The following GSTT4 variants were observed in gnomAD, a reference collection of about 807,000 sequenced individuals.
The protein encoded by GSTT4 is glutathione S-transferase theta-4.
chr22:23,993,569 G>A (rs1275831139), downstream of GSTT4, among the ~76,000 whole-genome samples: 1 of 152,224 alleles, frequency 6.6e-6, no homozygotes, highest in African/African-American at 2.4e-5. Flanking sequence ...GGGCCACCTT[G>A]TTCCTCACAG....
At position 23,998,459 on chromosome 22, in the gene GSTT4, T is replaced by G. The variant is rs1353055472; in HGVS notation, c.*83A>C. 1 of 69,262 alleles carries G rather than the reference T, an allele frequency of 1.4e-5. No homozygotes were observed. The highest frequency in any genetic ancestry group is 3.4e-5 in the Non-Finnish European group (1 of 29,100). 4.3% of individuals were successfully genotyped at this position (69,262 alleles called of 1,614,324 possible). A position where few individuals can be genotyped will look rare whatever the true frequency, so the allele number is the denominator to read the frequency against. Reference sequence around the variant, plus strand: ...ACAGTTGTTTTTTTGTTTTTTTGTTTTTTTTTTTTTAACATTTCCTTTAAG... The same window carrying G: ...ACAGTTGTTTTTTTGTTTTTTTGTTGTTTTTTTTTTAACATTTCCTTTAAG... On this transcript the variant is annotated 3_prime_UTR_variant, in exon 5 of 5. Coordinates refer to ENST00000621179, the MANE Select transcript of GSTT4 (RefSeq NM_001358664.2).
chr22:23,996,453 AATGG>A (rs1304871469), downstream of GSTT4, among the ~76,000 whole-genome samples: 2 of 152,162 alleles, frequency 1.3e-5, no homozygotes, highest in African/African-American at 4.8e-5. Context: ...GATCTTTCAC[AATGG>A]ATGAAGTATG....
intron 2 of GSTT4, among the ~76,000 whole-genome samples, chr22:24,002,236 G>A (rs1409979800): frequency 6.6e-6 from 1 of 152,262 alleles, no homozygotes; most frequent in East Asian, 1.9e-4. Context: ...TCTCTCTGGT[G>A]CTGGATGGAG....
intron 2 of GSTT4, among the ~76,000 whole-genome samples, 169 bp from the exon 3 acceptor site, chr22:24,001,494 G>A (rs942613817): frequency 6.6e-6 from 1 of 152,274 alleles, no homozygotes; most frequent in Admixed American, 6.5e-5. Context: ...GTCAGTAAGG[G>A]CTGGGAAGGA....
chr22:23,999,245 G>A (rs538125221), intron 4 of GSTT4, among the ~76,000 whole-genome samples: 2 of 152,320 alleles, frequency 1.3e-5, no homozygotes, highest in East Asian at 1.9e-4. Flanking sequence ...CCCAAGAATG[G>A]GTGTGTGTGG....
chr22:24,004,479 A>C (rs962690226), intron 1 of GSTT4: 3 of 153,482 alleles, frequency 2.0e-5, no homozygotes, highest in Non-Finnish European at 4.3e-5. Context: ...GAGCTTTTGG[A>C]GTCCCTCTGT....
chr22:23,994,818 A>C (rs2034100096), downstream of GSTT4, among the ~76,000 whole-genome samples: 1 of 152,090 alleles, frequency 6.6e-6, no homozygotes, highest in Admixed American at 6.6e-5. Context: ...GGAGAAGACA[A>C]GATATAGGTC....
chr22:23,993,152 C>A, the GSTT4 span, among the ~76,000 whole-genome samples: 1 of 151,654 alleles, frequency 6.6e-6, no homozygotes, highest in Non-Finnish European at 1.5e-5. Context: ...AGAAAAAGCT[C>A]TTTTCTCCAT....
downstream of GSTT4, among the ~76,000 whole-genome samples, chr22:23,995,125 T>C (rs186074905): frequency 1.3e-5 from 2 of 152,074 alleles, no homozygotes; most frequent in Middle Eastern, 3.4e-3. Context: ...AAGACAAGTT[T>C]TTTTTTTGTT....
At chr22:23,997,706 T>C (rs1364108006), downstream of GSTT4, among the ~76,000 whole-genome samples, 3 of 152,210 alleles carry the variant, frequency 2.0e-5, no homozygotes, top group African/African-American at 7.2e-5. Context: ...TGTTTTCTAG[T>C]GGTGTTGGGT....
At chr22:23,992,397 ATAG>A in the GSTT4 span, among the ~76,000 whole-genome samples, 1 of 148,808 alleles carries the variant, frequency 6.7e-6, no homozygotes, top group African/African-American at 2.5e-5. Flanking sequence ...AGGATGTGGG[ATAG>A]TAGCTCTCAA....
At chr22:24,004,584 G>C (rs919028761) in intron 1 of GSTT4, 1 of 153,216 alleles carries the variant, frequency 6.5e-6, no homozygotes. Context: ...GGGTGTAGAC[G>C]GACTGTGCAC....
At chr22:23,993,218 T>A in the GSTT4 span, among the ~76,000 whole-genome samples, 8 of 152,212 alleles carry the variant, frequency 5.3e-5, no homozygotes, top group Non-Finnish European at 1.0e-4. Context: ...TCTTGTTGTT[T>A]CCTTTTTCTT....
At chr22:23,995,104 C>T (rs2034102760), downstream of GSTT4, among the ~76,000 whole-genome samples, 1 of 151,974 alleles carries the variant, frequency 6.6e-6, no homozygotes, top group African/African-American at 2.4e-5. Flanking sequence ...TTAAGGCTGG[C>T]GTAGTCCCTC....
downstream of GSTT4, among the ~76,000 whole-genome samples, chr22:23,995,583 C>T (rs1035146647): frequency 6.7e-4 from 102 of 152,108 alleles, 1 homozygote; most frequent in African/African-American, 2.4e-3. Flanking sequence ...ATTGATCCAC[C>T]TTCCCTTGGC....
At chr22:23,996,529 T>C (rs776615470), downstream of GSTT4, among the ~76,000 whole-genome samples, 2 of 152,196 alleles carry the variant, frequency 1.3e-5, no homozygotes, top group Non-Finnish European at 2.9e-5. Flanking sequence ...CTTTCTCGTC[T>C]TCATCTGCTG....
chr22:24,002,372 G>A (rs906441342), intron 2 of GSTT4, among the ~76,000 whole-genome samples: 1,029 of 152,164 alleles, frequency 6.8e-3, no homozygotes, highest in Non-Finnish European at 0.011. Flanking sequence ...ATGCTTCGGA[G>A]GGGATGTCCT....
chr22:23,991,910 G>A, the GSTT4 span, among the ~76,000 whole-genome samples: 29 of 144,432 alleles, frequency 2.0e-4, no homozygotes, highest in African/African-American at 6.7e-4. Context: ...AAAATTAGCC[G>A]GGCGGGGTGG....
the GSTT4 span, among the ~76,000 whole-genome samples, chr22:23,990,499 A>G: frequency 4.0e-4 from 29 of 73,276 alleles, no homozygotes; most frequent in African/African-American, 7.5e-4. Context: ...ACGTGCCTGT[A>G]GTCCCAACTA....
Sources: allele counts gnomAD v4.1 joint callset (sites outside exome capture counted in the v4.1 genomes callset), GRCh38; gene constraint gnomAD v4.1.1; transcripts MANE v1.5; gene names NCBI Gene and HGNC (gene_info 2026-07-23, HGNC 2026-07-21).